KIFBP: variants seen among roughly 807,000 people sequenced by gnomAD.
KIFBP encodes KIF-binding protein.
Under a neutral mutation model 58.9 loss-of-function variants are expected in KIFBP, and 46 were observed. That is an observed-to-expected ratio of 0.78 (90% confidence interval 0.62 to 1.00). The LOEUF (loss-of-function observed/expected upper bound fraction) is 1.00, where lower values mean the gene tolerates loss of function less well. KIFBP is among the 50% of genes least tolerant of loss of function. The pLI is 0.00. For missense variants in KIFBP, 651 were observed against 752.9 expected, an observed-to-expected ratio of 0.86 and a Z score of 1.58; for synonymous variants, 241 against 283.4, an observed-to-expected ratio of 0.85 and a Z score of 1.50.
At chr10:68,989,310 G>T in intron 1 of KIFBP, 52 bp downstream of exon 1, 1 of 1,594,242 alleles carries the variant, frequency 6.3e-7, no homozygotes, top group South Asian at 1.1e-5. Context: ...GCGAGGGATG[G>T]GGAGGAGCCC....
intron 5 of KIFBP, among the ~76,000 whole-genome samples, chr10:69,010,254 T>C (rs1178141114): frequency 2.0e-5 from 3 of 152,194 alleles, no homozygotes; most frequent in African/African-American, 7.2e-5. Context: ...TTGTGAATTA[T>C]TTAAAATTGT....
rs1180987087 is a variant in KIFBP, at chr10:69,016,716, T to C, written c.*300T>C. ...TAAATGTAGACTATTTGTTGGCTAG[T>C]ACTTGATAGATTCCTTGTAAGAAAA... On this transcript the variant is annotated 3_prime_UTR_variant, in exon 7 of 7. Coordinates refer to ENST00000361983, the MANE Select transcript of KIFBP (RefSeq NM_015634.4). The C allele has an allele frequency of 3.4e-6, 1 of 293,040 alleles. No individual in the cohort carries two copies. Among genetic ancestry groups the C allele is most frequent in the Non-Finnish European group, 6.4e-6 (1 of 156,284 alleles). The allele number at this position is 293,040 out of a possible 1,614,324, so 18.2% of individuals were successfully genotyped here.
At chr10:68,993,786 A>G (rs1843376574) in intron 1 of KIFBP, among the ~76,000 whole-genome samples, 1 of 152,100 alleles carries the variant, frequency 6.6e-6, no homozygotes, top group Non-Finnish European at 1.5e-5. Flanking sequence ...CTGCAACCTC[A>G]AGGTTGTTAA....
At chr10:68,991,593 G>A (rs1843347567) in intron 1 of KIFBP, 1 of 365,656 alleles carries the variant, frequency 2.7e-6, no homozygotes, top group Non-Finnish European at 5.7e-6. Context: ...AGTACAAAAA[G>A]CTAGCTGACA....
At chr10:69,010,403 A>G (rs575050428) in intron 5 of KIFBP, among the ~76,000 whole-genome samples, 157 of 152,348 alleles carry the variant, frequency 1.0e-3, no homozygotes, top group African/African-American at 3.6e-3. Context: ...AACTTTACAA[A>G]GCTTTGTGTT....
chr10:69,014,420 G>A (rs987247540), intron 6 of KIFBP, among the ~76,000 whole-genome samples: 5 of 152,208 alleles, frequency 3.3e-5, no homozygotes, highest in African/African-American at 9.6e-5. Flanking sequence ...TGGCGTAAGG[G>A]AGGATGATAT....
At chr10:68,997,256 A>G (rs188274995) in intron 1 of KIFBP, among the ~76,000 whole-genome samples, 54 of 152,326 alleles carry the variant, frequency 3.5e-4, no homozygotes, top group Middle Eastern at 6.8e-3. Flanking sequence ...ATTAAACCTC[A>G]TAAGTAATAG....
At chr10:69,009,258 T>G (rs1843567332) in intron 5 of KIFBP, among the ~76,000 whole-genome samples, 1 of 152,118 alleles carries the variant, frequency 6.6e-6, no homozygotes, top group African/African-American at 2.4e-5. Context: ...ATGCTAGATT[T>G]TGGGAGGCCA....
intron 2 of KIFBP, 75 bp downstream of exon 2, chr10:69,000,597 G>A (rs559899271): frequency 1.2e-4 from 115 of 965,912 alleles, no homozygotes; most frequent in Non-Finnish European, 1.5e-4. Context: ...TCCCTCATTC[G>A]TAATATTGGT....
chr10:69,005,263 T>C (rs1387197414), intron 3 of KIFBP, 138 bp downstream of exon 3: 3 of 697,292 alleles, frequency 4.3e-6, no homozygotes, highest in Non-Finnish European at 7.7e-6. Context: ...TTACTTGTTA[T>C]TTGACCTTGT....
At chr10:68,997,571 T>C (rs1843419426) in intron 1 of KIFBP, among the ~76,000 whole-genome samples, 1 of 151,904 alleles carries the variant, frequency 6.6e-6, no homozygotes, top group Non-Finnish European at 1.5e-5. Context: ...TGTGACCCAA[T>C]TAAACCTCTT....
At chr10:69,015,511 T>C in intron 6 of KIFBP, 30 bp from the exon 7 acceptor site, 1 of 1,607,710 alleles carries the variant, frequency 6.2e-7, no homozygotes. Flanking sequence ...AGTGTCCTAC[T>C]TAACCATAAT....
In KIFBP at chr10:69,000,500, T is replaced by C. The variant is rs1843455171; in HGVS notation, c.503T>C (p.Leu168Pro). ...GCTTACCTAGAGTCATCAGAAGCACTATATAATCAGTATATGAAAGAGGTA... is the reference window on the plus strand; with the variant it reads ...GCTTACCTAGAGTCATCAGAAGCACCATATAATCAGTATATGAAAGAGGTA... The part of the protein sequence containing the change: ...AQAYLESSEA[L>P]YNQYMKEVGS... Residue 168 changes from leucine (L) to proline (P), a missense_variant, in exon 2 of 7, where the codon CTA becomes CCA. Physicochemically the swap from Leu to Pro is moderately conservative, Grantham distance 98 (BLOSUM62 -3). Transcript: ENST00000361983. The C allele has an allele frequency of 6.2e-7, 1 of 1,606,376 alleles. No individual in the cohort carries two copies. Among genetic ancestry groups the C allele is most frequent in the East Asian group, 2.2e-5 (1 of 44,770 alleles).
chr10:69,008,291 C>T (rs998548758), intron 4 of KIFBP, among the ~76,000 whole-genome samples: 1 of 148,620 alleles, frequency 6.7e-6, no homozygotes, highest in East Asian at 2.0e-4. Context: ...TGGGAGGATC[C>T]CTTAAGACCA....
intron 2 of KIFBP, among the ~76,000 whole-genome samples, chr10:69,004,659 T>C (rs1366427730): frequency 6.6e-6 from 1 of 152,014 alleles, no homozygotes; most frequent in African/African-American, 2.4e-5. Context: ...GCCCAGGAGT[T>C]TTAAGACCAG....
chr10:69,006,160 T>A (rs1407826202), intron 4 of KIFBP, among the ~76,000 whole-genome samples: 1 of 152,182 alleles, frequency 6.6e-6, no homozygotes, highest in African/African-American at 2.4e-5. Context: ...TAAGACCAAT[T>A]CTTTTTTTAA....
At chr10:68,993,819 G>C (rs2256199) in intron 1 of KIFBP, among the ~76,000 whole-genome samples, 12,108 of 152,086 alleles carry the variant, frequency 0.08, 670 homozygotes, top group African/African-American at 0.15. Flanking sequence ...ATGGTAATTA[G>C]AAACTCTGAT....
chr10:68,992,881 G>A (rs1843364911), intron 1 of KIFBP, among the ~76,000 whole-genome samples: 1 of 152,106 alleles, frequency 6.6e-6, no homozygotes, highest in Non-Finnish European at 1.5e-5. Flanking sequence ...GTTATTGCTA[G>A]TGGATTTGAT....
intron 1 of KIFBP, among the ~76,000 whole-genome samples, chr10:68,992,605 A>G (rs1843362093): frequency 6.6e-6 from 1 of 152,234 alleles, no homozygotes; most frequent in Non-Finnish European, 1.5e-5. Flanking sequence ...TAGTAACATT[A>G]CGGTAGGATC....
Sources: allele counts gnomAD v4.1 joint callset (sites outside exome capture counted in the v4.1 genomes callset), GRCh38; gene constraint gnomAD v4.1.1; transcripts MANE v1.5; gene names NCBI Gene and HGNC (gene_info 2026-07-23, HGNC 2026-07-21).